The following KRT86 variants were observed in gnomAD, a reference collection of about 807,000 sequenced individuals.
KRT86 encodes keratin 86, also known as keratin, type II cuticular Hb6.
A neutral mutation model predicts 41.2 loss-of-function variants in KRT86; 30 were observed. That is an observed-to-expected ratio of 0.73 (90% CI 0.54 to 0.99). The LOEUF (loss-of-function observed/expected upper bound fraction) is 0.99, where lower values mean the gene tolerates loss of function less well. Among genes scored for constraint, KRT86 ranks in the 50% least tolerant of loss-of-function variants. The pLI is 0.00. For missense variants in KRT86, 561 were observed against 571.4 expected (o/e 0.98, Z 0.19); for synonymous variants, 238 against 238.1 (o/e 1.00, Z 0.00).
chr12:52,278,438 G>GTTT (rs10684723), intron 2 of KRT86, among the ~76,000 whole-genome samples: 1,355 of 127,954 alleles, frequency 0.011, 43 homozygotes, highest in South Asian at 0.028. Flanking sequence ...AGAAAGTGTA[G>GTTT]TTTTTTTTTT....
chr12:52,274,666 A>G lies in KRT86; in HGVS notation c.-187A>G, dbSNP rs77386533. On this transcript the variant is annotated 5_prime_UTR_variant, in exon 1 of 11. Transcript: ENST00000423955. ...AAGGATTCTGGTAGCTCTTGGGCTG[A>G]AGCTGGGCTTTGGTGCTCAAGAGAG... The G allele has an allele frequency of 2.2e-3, 2,173 of 984,694 alleles. 28 individuals carry two copies. In the African/African-American group the frequency reaches 0.034, roughly 15 times the overall value. The allele number at this position is 984,694 out of a possible 1,614,324, so 61.0% of individuals were successfully genotyped here.
intron 8 of KRT86, 25 bp from the exon 9 acceptor site, chr12:52,306,035 A>T: frequency 6.2e-7 from 1 of 1,613,212 alleles, no homozygotes; most frequent in South Asian, 1.1e-5. Context: ...ACTCTAATCT[A>T]CCTTGTTCTC....
intron 2 of KRT86, among the ~76,000 whole-genome samples, chr12:52,299,839 A>T (rs1258423641): frequency 6.6e-6 from 1 of 152,246 alleles, no homozygotes. Context: ...TATTGCAGCT[A>T]CGAATTCCTT....
chr12:52,297,599 A>C (rs1025554503), intron 2 of KRT86, among the ~76,000 whole-genome samples: 6 of 152,198 alleles, frequency 3.9e-5, no homozygotes, highest in African/African-American at 1.4e-4. Flanking sequence ...ATTCTTTACA[A>C]GTGCCCCTTG....
At chr12:52,295,671 A>C (rs1358427622) in intron 2 of KRT86, among the ~76,000 whole-genome samples, 1 of 152,194 alleles carries the variant, frequency 6.6e-6, no homozygotes, top group Non-Finnish European at 1.5e-5. Flanking sequence ...CAAAAATGGA[A>C]ACCCTGCAGC....
At chr12:52,306,583 C>T in intron 9 of KRT86, 1 of 530,216 alleles carries the variant, frequency 1.9e-6, no homozygotes, top group Non-Finnish European at 3.4e-6. Flanking sequence ...GGTAGTGCTT[C>T]TTCCCTTCCA....
At position 52,308,624 on chromosome 12, in the gene KRT86, T is replaced by C; in HGVS notation, c.*39T>C. Reference sequence around the variant, plus strand: ...CCGCCAGCGCCTGTCGCCGTCACTCTCCACCCAGCCAGTACCTCGCGCCAC... The same window carrying C: ...CCGCCAGCGCCTGTCGCCGTCACTCCCCACCCAGCCAGTACCTCGCGCCAC... On this transcript the variant is annotated 3_prime_UTR_variant, in exon 11 of 11. Coordinates refer to ENST00000423955, the MANE Select transcript of KRT86 (RefSeq NM_001320198.2). 6.3e-7 allele frequency: 1 copy of C among 1,579,736 alleles called. No homozygotes were observed. Among genetic ancestry groups the C allele is most frequent in the Non-Finnish European group, 8.6e-7 (1 of 1,168,668 alleles).
At chr12:52,286,127 A>G (rs1937919839) in intron 2 of KRT86, 2 of 794,404 alleles carry the variant, frequency 2.5e-6, no homozygotes, top group Admixed American at 4.2e-5. Context: ...ATGTGAGGCC[A>G]GGAGTGGGAG....
intron 2 of KRT86, chr12:52,291,269 C>T (rs1429961181): frequency 5.9e-6 from 9 of 1,530,148 alleles, no homozygotes; most frequent in South Asian, 1.2e-5. Context: ...GCCCCCGGAG[C>T]GGTAGCCGAA....
At position 52,305,024 on chromosome 12, in the gene KRT86, G is replaced by A. The variant is rs78831098; in HGVS notation, c.732G>A (p.Glu244=). The A allele has an allele frequency of 4.4e-4, 712 of 1,613,970 alleles. No individual in the cohort carries two copies. In the African/African-American group the frequency reaches 6.4e-3, roughly 14 times the overall value. ...TCGACTTCCTGAGGCGGCTGTATGAGGAGGTGCGGGCTCAGGGGCCAGGCA... is the reference window on the plus strand; with the variant it reads ...TCGACTTCCTGAGGCGGCTGTATGAAGAGGTGCGGGCTCAGGGGCCAGGCA... ...QEIDFLRRLY[E]EEIRVLQSHI... is the part of the protein sequence containing the mutation. The change falls in exon 6 of 11, where the codon GAG becomes GAA. Residue 244 remains glutamate, a synonymous_variant. Coordinates refer to ENST00000423955, the MANE Select transcript of KRT86 (RefSeq NM_001320198.2).
At chr12:52,287,917 T>G in intron 2 of KRT86, 1 of 1,613,338 alleles carries the variant, frequency 6.2e-7, no homozygotes, top group Non-Finnish European at 8.5e-7. Flanking sequence ...AAAGGAAGCC[T>G]ATTTAATAGA....
intron 2 of KRT86, chr12:52,288,286 T>A: frequency 6.2e-7 from 1 of 1,607,390 alleles, no homozygotes. Flanking sequence ...TCTACCCACA[T>A]CCTGTCCAAC....
chr12:52,302,063 C>T lies in KRT86; in HGVS notation c.147C>T (p.Ser49=). 1 of 1,605,092 alleles carries T rather than the reference C, an allele frequency of 6.2e-7. No homozygotes were observed. Among genetic ancestry groups the T allele is most frequent in the East Asian group, 2.2e-5 (1 of 44,518 alleles). ...RGLTGGFGSH[S]VCGGFRAGSC... The stretch of plus-strand genomic sequence containing the variant: ...TCACCGGGGGCTTCGGCAGCCACAG[C>T]GTGTGCGGAGGCTTTCGGGCCGGCT... The change falls in exon 3 of 11, where the codon AGC becomes AGT. Residue 49 remains serine (S), a synonymous_variant. Coordinates refer to ENST00000423955, the MANE Select transcript of KRT86 (RefSeq NM_001320198.2).
intron 2 of KRT86, among the ~76,000 whole-genome samples, chr12:52,299,110 A>G (rs980285568): frequency 6.6e-6 from 1 of 152,052 alleles, no homozygotes; most frequent in African/African-American, 2.4e-5. Flanking sequence ...CCTCCCCATT[A>G]CCCTTCCCAG....
chr12:52,307,932 T>C (rs1386892483), intron 9 of KRT86, among the ~76,000 whole-genome samples: 1 of 152,254 alleles, frequency 6.6e-6, no homozygotes. Flanking sequence ...GCTTCTTATT[T>C]GATTCAGTCC....
At chr12:52,305,129 G>A in intron 6 of KRT86, 102 bp downstream of exon 6, 3 of 1,605,612 alleles carry the variant, frequency 1.9e-6, no homozygotes, top group Non-Finnish European at 2.6e-6. Context: ...AGTCCCTGAG[G>A]CTGTGTGAGG....
chr12:52,286,793 A>G (rs961783554), intron 2 of KRT86: 12 of 1,613,940 alleles, frequency 7.4e-6, no homozygotes, highest in Non-Finnish European at 9.3e-6. Flanking sequence ...ATACTCACAG[A>G]CATTCACAGC....
intron 2 of KRT86, among the ~76,000 whole-genome samples, chr12:52,299,513 A>G (rs1938324036): frequency 6.6e-6 from 1 of 152,144 alleles, no homozygotes; most frequent in Non-Finnish European, 1.5e-5. Context: ...CTTTTGGAGG[A>G]CACTCCATAC....
chr12:52,296,009 G>A (rs1938241314), intron 2 of KRT86, among the ~76,000 whole-genome samples: 1 of 152,112 alleles, frequency 6.6e-6, no homozygotes, highest in African/African-American at 2.4e-5. Context: ...TAAGGGGGTG[G>A]TGGGGAAAGT....
Sources: gnomAD v4.1 joint callset for allele counts (sites outside exome capture counted in the v4.1 genomes callset) on GRCh38, gnomAD v4.1.1 for gene constraint, MANE v1.5 for transcripts, NCBI Gene and HGNC (gene_info 2026-07-23, HGNC 2026-07-21) for gene names.